Variants in TOGARAM2 observed in about 807,000 individuals in gnomAD.
The protein encoded by TOGARAM2 is TOG array regulator of axonemal microtubules 2, also known as TOG array regulator of axonemal microtubules protein 2.
Under a neutral mutation model 93.3 loss-of-function variants are expected in TOGARAM2, and 85 were observed. The ratio of observed to expected loss-of-function variants is 0.91; its 90% CI spans 0.76 to 1.09. The LOEUF (loss-of-function observed/expected upper bound fraction) is 1.09. Ranked by LOEUF, TOGARAM2 falls within the 50% of genes least tolerant of loss-of-function variation. The pLI is 0.00. For synonymous variants in TOGARAM2, 593 were observed against 552.8 expected, an observed-to-expected ratio of 1.07 and a Z score of -1.02; for missense variants, 1,277 against 1,334.5, an observed-to-expected ratio of 0.96 and a Z score of 0.67.
At chr2:29,002,866 C>T in intron 5 of TOGARAM2, 119 bp downstream of exon 5, 1 of 953,500 alleles carries the variant, frequency 1.0e-6, no homozygotes, top group Non-Finnish European at 1.6e-6. Context: ...CTGGAGGTGT[C>T]TTGAGGTCTG....
Position 28,981,515 on chromosome 2 carries a change from G to A in TOGARAM2, c.-134G>A, listed in dbSNP as rs1672192454. On this transcript the variant is annotated 5_prime_UTR_variant, in exon 1 of 20. Transcript: ENST00000379558. Reference sequence around the variant, plus strand: ...AGGACCCTGGATTCCTCCAGTGACAGGGGTTTGGCCTCTGGACAGAGAGGT... The same window carrying A: ...AGGACCCTGGATTCCTCCAGTGACAAGGGTTTGGCCTCTGGACAGAGAGGT... 6.6e-6 allele frequency: 1 copy of A among 152,404 alleles called. No homozygotes were observed. The highest frequency in any genetic ancestry group is 2.4e-5 in the African/African-American group (1 of 41,482). The allele number at this position is 152,404 out of a possible 1,614,324, so 9.4% of individuals were successfully genotyped here.
chr2:28,961,491 G>A (rs1029047898), intron 1 of TOGARAM2, among the ~76,000 whole-genome samples: 2 of 151,832 alleles, frequency 1.3e-5, no homozygotes, highest in Non-Finnish European at 2.9e-5. Context: ...ATAGGCGCCC[G>A]CCACCATGCC....
At chr2:29,027,552 G>C (rs1665482650) in intron 14 of TOGARAM2, among the ~76,000 whole-genome samples, 1 of 151,904 alleles carries the variant, frequency 6.6e-6, no homozygotes, top group Admixed American at 6.6e-5. Flanking sequence ...ATTGCTTGAG[G>C]CCAGGAGTTG....
At position 28,984,454 on chromosome 2, in the gene TOGARAM2, C is replaced by T. The variant is rs138790714; in HGVS notation, c.-111+2916C>T. Among the ~76,000 whole-genome samples, 693 of 152,288 alleles carry T rather than the reference C, an allele frequency of 4.6e-3. 8 individuals carry two copies. Among genetic ancestry groups the T allele is most frequent in the African/African-American group, 0.015 (632 of 41,564 alleles). On this transcript the variant is annotated intron_variant, in intron 1 of 19. Coordinates refer to ENST00000379558, the MANE Select transcript of TOGARAM2 (RefSeq NM_199280.4). The stretch of plus-strand genomic sequence containing the variant: ...GAGCCCTTTCCTGGGGTGTGACAGA[C>T]ATTCAGATGCTAGAGTCATGCCAAT...
rs751104228 is a variant in TOGARAM2 at position 29,045,395 on chromosome 2, A to G, written c.2707A>G (p.Thr903Ala). ...FLSGRAVLDVTDRLAVLVASV... is the reference protein window; with the variant it reads ...FLSGRAVLDVADRLAVLVASV... ...GAGTGGCCGTGCGGTGCTGGATGTC[A>G]CAGATCGCCTGGCAGGTGAGCACCC... The change falls in exon 19 of 20, where the codon ACA becomes GCA. Residue 903 changes from threonine to alanine, a missense_variant. Physicochemically the swap from Thr to Ala is moderately conservative, Grantham distance 58. Coordinates refer to ENST00000379558, the MANE Select transcript of TOGARAM2 (RefSeq NM_199280.4). 4 of 1,613,328 alleles carry G rather than the reference A, an allele frequency of 2.5e-6. No individual in the cohort carries two copies. Among genetic ancestry groups the G allele is most frequent in the South Asian group, 2.2e-5 (2 of 91,088 alleles).
At chr2:29,009,046 G>A (rs1413904525) in intron 6 of TOGARAM2, among the ~76,000 whole-genome samples, 1 of 152,206 alleles carries the variant, frequency 6.6e-6, no homozygotes, top group East Asian at 1.9e-4. Context: ...TATGTGCCAG[G>A]TGCATAGGTC....
chr2:29,024,010 G>GC (rs1235309020), intron 12 of TOGARAM2, 129 bp from the exon 13 acceptor site: 1 of 711,652 alleles, frequency 1.4e-6, no homozygotes, highest in Non-Finnish European at 2.3e-6. Context: ...TTTGTTTCCA[G>GC]CGTGGCAAGG....
At chr2:28,958,993 C>T (rs1424397655) in intron 1 of TOGARAM2, among the ~76,000 whole-genome samples, 1 of 152,136 alleles carries the variant, frequency 6.6e-6, no homozygotes, top group East Asian at 1.9e-4. Flanking sequence ...AGTCCTGAAG[C>T]GGAACCTGAA....
intron 14 of TOGARAM2, 30 bp from the exon 15 acceptor site, chr2:29,032,904 T>TTCTTTATCTTGCTCTC: frequency 6.3e-7 from 1 of 1,587,000 alleles, no homozygotes; most frequent in South Asian, 1.1e-5. Flanking sequence ...CAGAGGCTGT[T>TTCTTTATCTTGCTCTC]TCTTTATCTT....
At chr2:29,007,638 C>T (rs1173447401) in intron 6 of TOGARAM2, among the ~76,000 whole-genome samples, 3 of 152,146 alleles carry the variant, frequency 2.0e-5, no homozygotes, top group African/African-American at 4.8e-5. Context: ...CCACCTTGCA[C>T]ACCTCTTGCA....
Position 28,999,132 on chromosome 2 carries a change from C to T in TOGARAM2, c.140-49C>T, listed in dbSNP as rs372464852. 931 of 1,531,304 alleles carry T rather than the reference C, an allele frequency of 6.1e-4. 2 individuals carry two copies. Among genetic ancestry groups the T allele is most frequent in the Non-Finnish European group, 7.8e-4 (894 of 1,139,198 alleles). The allele number at this position is 1,531,304 out of a possible 1,614,324, so 94.9% of individuals were successfully genotyped here. A position where few individuals can be genotyped will look rare whatever the true frequency, so the allele number is the denominator to read the frequency against. ...TCAAGGAGCTTGCTGGTGCCTGGTG[C>T]CACCCTGGGTACTGCGTGCCAAGCC... is the stretch of plus-strand genomic sequence containing the variant. On this transcript the variant is annotated intron_variant, in intron 3 of 19. Transcript: ENST00000379558.
chr2:28,976,147 G>A (rs1040764263), intron 1 of TOGARAM2, among the ~76,000 whole-genome samples: 1 of 152,150 alleles, frequency 6.6e-6, no homozygotes, highest in African/African-American at 2.4e-5. Flanking sequence ...GAGGTGGATG[G>A]ATCACGAGGT....
At chr2:28,967,291 A>G (rs1357010986) in intron 1 of TOGARAM2, among the ~76,000 whole-genome samples, 2 of 152,176 alleles carry the variant, frequency 1.3e-5, no homozygotes, top group Admixed American at 1.3e-4. Context: ...CCTGGGCAAC[A>G]TAGTGAGACC....
intron 1 of TOGARAM2, among the ~76,000 whole-genome samples, chr2:28,973,078 G>A (rs1007855278): frequency 6.6e-6 from 1 of 152,116 alleles, no homozygotes; most frequent in African/African-American, 2.4e-5. Context: ...ATGTGATGTG[G>A]TCTAGAGTCC....
At chr2:29,040,833 C>T (rs1456173112) in intron 18 of TOGARAM2, among the ~76,000 whole-genome samples, 1 of 152,140 alleles carries the variant, frequency 6.6e-6, no homozygotes, top group Non-Finnish European at 1.5e-5. Flanking sequence ...TAGGTAAGCC[C>T]CTAATAAAAC....
At chr2:28,985,218 T>A (rs753939066) in intron 1 of TOGARAM2, among the ~76,000 whole-genome samples, 8 of 152,142 alleles carry the variant, frequency 5.3e-5, no homozygotes, top group Admixed American at 3.3e-4. Flanking sequence ...CTCTGCCATG[T>A]GAGGACAAAG....
Position 29,024,184 on chromosome 2 carries a change from T to C in TOGARAM2, c.1663T>C (p.Leu555=). The C allele has an allele frequency of 6.2e-7, 1 of 1,601,004 alleles. No homozygotes were observed. ...GGTGTCTCACCTGGCCATCAGCACCTTGGGAGACCTCTTCCAGGCCTTGAA... is the reference window on the plus strand; with the variant it reads ...GGTGTCTCACCTGGCCATCAGCACCCTGGGAGACCTCTTCCAGGCCTTGAA... ...SKVSHLAIST[L]GDLFQALKKN... is the part of the protein sequence containing the mutation. Residue 555 remains leucine (L), a synonymous_variant, in exon 13 of 20, where the codon TTG becomes CTG. Transcript: ENST00000379558.
At chr2:29,003,122 G>A (rs1386507580) in intron 5 of TOGARAM2, among the ~76,000 whole-genome samples, 2 of 152,218 alleles carry the variant, frequency 1.3e-5, no homozygotes, top group African/African-American at 2.4e-5. Flanking sequence ...CTAGGACTCA[G>A]ATTTGGGCCT....
At chr2:29,023,742 C>T (rs1004292166) in intron 12 of TOGARAM2, among the ~76,000 whole-genome samples, 2 of 152,228 alleles carry the variant, frequency 1.3e-5, no homozygotes, top group Admixed American at 1.3e-4. Context: ...CCTGGGGTCT[C>T]TGTTTCCTCT....
Sources: allele counts gnomAD v4.1 joint callset (sites outside exome capture counted in the v4.1 genomes callset), GRCh38; gene constraint gnomAD v4.1.1; transcripts MANE v1.5; gene names NCBI Gene and HGNC (gene_info 2026-07-23, HGNC 2026-07-21).